The following JADE3 variants were observed in gnomAD, a reference collection of about 807,000 sequenced individuals.
JADE3 encodes jade family PHD finger 3, also known as protein Jade-3.
A neutral mutation model predicts 50.1 loss-of-function variants in JADE3; 2 were observed. The observed-to-expected ratio is 0.04, with a 90% CI of 0.02 to 0.13. The LOEUF is 0.13. Among genes scored for constraint, JADE3 ranks in the 10% least tolerant of loss-of-function variants. The pLI, the probability that JADE3 is intolerant of heterozygous loss-of-function variation, is 1.00. For missense variants in JADE3, 475 were observed against 634.4 expected, an observed-to-expected ratio of 0.75 and a Z score of 2.70; for synonymous variants, 218 against 232.9, an observed-to-expected ratio of 0.94 and a Z score of 0.58.
At chrX:46,953,436 T>A (rs1445365937) in intron 1 of JADE3, among the ~76,000 whole-genome samples, 1 of 111,711 alleles carries the variant, frequency 9.0e-6, no homozygotes, top group Non-Finnish European at 1.9e-5. Context: ...CCTGCTGTTA[T>A]ATACTTTTAA....
chrX:47,025,039 C>T (rs781953373), intron 5 of JADE3, 125 bp downstream of exon 5: 703 of 408,768 alleles, frequency 1.7e-3, no homozygotes, highest in Non-Finnish European at 2.6e-3. Flanking sequence ...ATTTATTTTT[C>T]TCATTGATTT....
chrX:46,995,171 A>G (rs1209290766), intron 3 of JADE3, among the ~76,000 whole-genome samples: 1 of 108,929 alleles, frequency 9.2e-6, no homozygotes, highest in Non-Finnish European at 1.9e-5. Flanking sequence ...CTGGGTCTAC[A>G]GGCACCCGCC....
At chrX:46,985,011 G>T (rs2147131279) in intron 2 of JADE3, 71 bp downstream of exon 2, 1 of 867,101 alleles carries the variant, frequency 1.2e-6, no homozygotes. Context: ...TTTCATTTGA[G>T]GATAAACCAT....
At position 46,981,100 on chromosome X, in the gene JADE3, T is replaced by C. The variant is rs971637095; in HGVS notation, c.-11-3784T>C. Among the ~76,000 whole-genome samples the C allele has an allele frequency of 5.4e-5, 6 of 111,758 alleles. No homozygotes were observed. In the Admixed American group the frequency reaches 5.7e-4, roughly 11 times the overall value. ...GAAATGAGTTCTCCCCTGTAGCCTCTAGAAAGGAACGCAGTCCTGATGACA... is the reference window on the plus strand; with the variant it reads ...GAAATGAGTTCTCCCCTGTAGCCTCCAGAAAGGAACGCAGTCCTGATGACA... On this transcript the variant is annotated intron_variant, in intron 1 of 10. Transcript: ENST00000614628.
intron 1 of JADE3, among the ~76,000 whole-genome samples, chrX:46,922,698 A>G (rs1926249773): frequency 9.2e-6 from 1 of 108,655 alleles, no homozygotes; most frequent in Non-Finnish European, 1.9e-5. Flanking sequence ...TCATTCTTAC[A>G]GTTTCTATCT....
At chrX:46,938,374 A>G (rs1926681262) in intron 1 of JADE3, among the ~76,000 whole-genome samples, 2 of 111,503 alleles carry the variant, frequency 1.8e-5, no homozygotes, top group South Asian at 3.7e-4. Flanking sequence ...ATTATAATAT[A>G]CATAGTTTTA....
At chrX:47,051,682 A>C (rs1276463153) in intron 8 of JADE3, among the ~76,000 whole-genome samples, 4 of 110,356 alleles carry the variant, frequency 3.6e-5, no homozygotes, top group African/African-American at 1.3e-4. Context: ...CTGTAGTCCC[A>C]GCTACTCGGG....
intron 6 of JADE3, among the ~76,000 whole-genome samples, chrX:47,031,870 A>T (rs1247194196): frequency 9.0e-6 from 1 of 111,090 alleles, no homozygotes. Context: ...GTCTCAAAAA[A>T]AATAATAATA....
intron 3 of JADE3, among the ~76,000 whole-genome samples, chrX:46,986,414 A>C (rs979753918): frequency 3.6e-5 from 4 of 112,207 alleles, no homozygotes; most frequent in Non-Finnish European, 5.6e-5. Flanking sequence ...TAATCTTCAC[A>C]CTGTGATTTC....
chrX:46,981,454 T>G (rs1273428528), intron 1 of JADE3, among the ~76,000 whole-genome samples: 1 of 112,038 alleles, frequency 8.9e-6, no homozygotes, highest in Non-Finnish European at 1.9e-5. Flanking sequence ...CATTGTGACT[T>G]TAAATTCCCC....
intron 3 of JADE3, among the ~76,000 whole-genome samples, chrX:46,988,526 G>T (rs1200788630): frequency 1.8e-5 from 2 of 111,641 alleles, no homozygotes; most frequent in Non-Finnish European, 3.8e-5. Flanking sequence ...AGAAATATGG[G>T]ACAGCACCAG....
intron 1 of JADE3, among the ~76,000 whole-genome samples, chrX:46,980,475 CAG>C (rs782752176): frequency 1.8e-5 from 2 of 110,255 alleles, no homozygotes; most frequent in African/African-American, 3.3e-5. Context: ...GTCTTCTTAA[CAG>C]GGGCTTTCTC....
At chrX:46,974,254 A>T (rs1365782211) in intron 1 of JADE3, among the ~76,000 whole-genome samples, 4 of 109,841 alleles carry the variant, frequency 3.6e-5, no homozygotes, top group African/African-American at 1.3e-4. Flanking sequence ...AAATACAAAA[A>T]AATTAGCTGG....
At chrX:47,015,966 T>C (rs888262152) in intron 4 of JADE3, among the ~76,000 whole-genome samples, 1 of 111,100 alleles carries the variant, frequency 9.0e-6, no homozygotes, top group Non-Finnish European at 1.9e-5. Flanking sequence ...GGATCCCCTC[T>C]GCCCCACACA....
At chrX:46,961,261 C>T (rs1392106099) in intron 1 of JADE3, among the ~76,000 whole-genome samples, 1 of 111,690 alleles carries the variant, frequency 9.0e-6, no homozygotes, top group Non-Finnish European at 1.9e-5. Context: ...CTTAGTTCCT[C>T]CTTGGCTGTA....
chrX:46,975,552 A>G (rs1927595975), intron 1 of JADE3, among the ~76,000 whole-genome samples: 1 of 110,600 alleles, frequency 9.0e-6, no homozygotes, highest in Non-Finnish European at 1.9e-5. Context: ...CCTGTATACC[A>G]TGTTTAAATG....
At chrX:46,956,450 A>G (rs782619522) in intron 1 of JADE3, among the ~76,000 whole-genome samples, 29 of 113,212 alleles carry the variant, frequency 2.6e-4, no homozygotes, top group Admixed American at 2.0e-3. Context: ...TCAAAGAATA[A>G]TATGATAAAT....
chrX:46,918,288 C>A (rs1013815994), intron 1 of JADE3, among the ~76,000 whole-genome samples: 1 of 111,743 alleles, frequency 8.9e-6, no homozygotes, highest in Non-Finnish European at 1.9e-5. Context: ...ATGGAACTAT[C>A]GAGTATAAGA....
rs992845137 is a variant in JADE3, at chrX:46,948,655, C to T, written c.-12+35936C>T. ...ATAGAGCATAAAGGAAAGTATATAG[C>T]ATATAAGTAGAAGTATAATATACCT... On this transcript the variant is annotated intron_variant, in intron 1 of 10. Transcript: ENST00000614628. Among the ~76,000 whole-genome samples the T allele has an allele frequency of 2.0e-4, 22 of 111,754 alleles. 1 individual carries two copies. Among genetic ancestry groups the T allele is most frequent in the Non-Finnish European group, 4.0e-4 (21 of 53,106 alleles).
Sources: allele counts gnomAD v4.1 joint callset (sites outside exome capture counted in the v4.1 genomes callset), GRCh38; gene constraint gnomAD v4.1.1; transcripts MANE v1.5; gene names NCBI Gene and HGNC (gene_info 2026-07-23, HGNC 2026-07-21).